IDUA: variants seen among roughly 807,000 people sequenced by gnomAD.
IDUA encodes alpha-L-iduronidase.
A neutral mutation model predicts 68.9 loss-of-function variants in IDUA; 65 were observed. The ratio of observed to expected loss-of-function variants is 0.94; its 90% confidence interval spans 0.77 to 1.16. The LOEUF (loss-of-function observed/expected upper bound fraction) is 1.16. IDUA is among the 50% of genes most tolerant of loss of function. IDUA has a pLI of 0.00. For missense variants in IDUA, 1,046 were observed against 938.0 expected, an observed-to-expected ratio of 1.12 and a Z score of -1.50; for synonymous variants, 529 against 433.6, an observed-to-expected ratio of 1.22 and a Z score of -2.73.
chr4:996,172 C>G (rs200395010), intron 2 of IDUA, among the ~76,000 whole-genome samples: 1 of 152,254 alleles, frequency 6.6e-6, no homozygotes, highest in East Asian at 1.9e-4. Context: ...TGGGAAGCAG[C>G]TGTTTGCTCA....
intron 7 of IDUA, 47 bp downstream of exon 7, chr4:1,002,208 G>A: frequency 6.4e-7 from 1 of 1,571,052 alleles, no homozygotes. Context: ...CCTTCCTCCC[G>A]AGACGGGACA....
rs1230224695 is a variant in IDUA at position 1,002,882 on chromosome 4, G to A, written c.1340G>A (p.Arg447His). The change falls in exon 9 of 14, where the codon CGC (arginine) becomes CAC (histidine). Residue 447 changes from arginine (R) to histidine (H), a missense_variant. By Grantham distance (29) the Arg-to-His change is conservative. Coordinates refer to ENST00000514224, the MANE Select transcript of IDUA (RefSeq NM_000203.5). ...CTGATCTACGCGAGCGACGACACCC[G>A]CGCCCACCCCAACCGCAGCGTCGCG... ...AVLIYASDDT[R>H]AHPNRSVAVT... 7 of 1,434,646 alleles carry A rather than the reference G, an allele frequency of 4.9e-6. No individual in the cohort carries two copies. In the Admixed American group the frequency reaches 8.5e-5, roughly 17 times the overall value. 88.9% of individuals were successfully genotyped at this position (1,434,646 alleles called of 1,614,324 possible).
At chr4:990,602 T>C (rs1336496715) in intron 2 of IDUA, 2 of 571,750 alleles carry the variant, frequency 3.5e-6, no homozygotes, top group African/African-American at 3.8e-5. Context: ...CAGCTGGCCA[T>C]AGACACGTCT....
In IDUA at chr4:1,003,280, C is replaced by T. The variant is rs535338608; in HGVS notation, c.1525-65C>T. 1.1e-5 allele frequency: 15 copies of T among 1,368,916 alleles called. No homozygotes were observed. The African/African-American group carries it at 1.7e-4, about 15-fold the overall frequency. The allele number at this position is 1,368,916 out of a possible 1,614,324, so 84.8% of individuals were successfully genotyped here. A position where few individuals can be genotyped will look rare whatever the true frequency, so the allele number is the denominator to read the frequency against. ...GGAGCGGTGGGCCGGGGGCGTTCGC[C>T]CTGAGGTCGGGCCGAGCGTCCCCAG... On this transcript the variant is annotated intron_variant, in intron 10 of 13. Transcript: ENST00000514224.
intron 1 of IDUA, 168 bp from the exon 2 acceptor site, chr4:987,641 A>T (rs1322967021): frequency 6.9e-7 from 1 of 1,450,868 alleles, no homozygotes; most frequent in African/African-American, 1.4e-5. Context: ...CCCCATGAAG[A>T]TGGGACCTCC....
intron 1 of IDUA, 95 bp from the exon 2 acceptor site, chr4:987,714 C>G (rs968950760): frequency 6.4e-7 from 1 of 1,574,220 alleles, no homozygotes; most frequent in Non-Finnish European, 8.6e-7. Context: ...CGCCTGGATC[C>G]TGCGCCCGGG....
At chr4:1,002,535 AG>A in intron 8 of IDUA, 50 bp downstream of exon 8, 1 of 1,411,388 alleles carries the variant, frequency 7.1e-7, no homozygotes, top group Admixed American at 3.0e-5. Flanking sequence ...CAGGCTGGGG[AG>A]CGGCTCCTGC....
At chr4:997,019 C>T (rs1714778996) in intron 2 of IDUA, among the ~76,000 whole-genome samples, 1 of 152,196 alleles carries the variant, frequency 6.6e-6, no homozygotes, top group Non-Finnish European at 1.5e-5. Context: ...CACACGCTTA[C>T]TTCCTTAGTT....
At chr4:1,003,216 G>A in intron 10 of IDUA, 59 bp downstream of exon 10, 3 of 1,249,362 alleles carry the variant, frequency 2.4e-6, no homozygotes, top group Non-Finnish European at 3.1e-6. Context: ...GGGGGGTGGG[G>A]TCCGGGGCGG....
At chr4:994,280 CTT>C (rs781736230) in intron 2 of IDUA, among the ~76,000 whole-genome samples, 1 of 144,404 alleles carries the variant, frequency 6.9e-6, no homozygotes, top group Non-Finnish European at 1.5e-5. Context: ...CCCACCTTTT[CTT>C]TTTTTTTTTT....
intron 2 of IDUA, chr4:991,633 G>C: frequency 6.4e-7 from 1 of 1,568,182 alleles, no homozygotes; most frequent in East Asian, 2.2e-5. Flanking sequence ...CAGACCCCGG[G>C]GTGCTGGGCG....
In IDUA at chr4:1,004,335, C is replaced by CA; in HGVS notation, c.1904_1905insA (p.Val636CysfsTer23). 6.2e-7 allele frequency: 1 copy of CA among 1,611,850 alleles called. No individual in the cohort carries two copies. The highest frequency in any genetic ancestry group is 1.1e-5 in the South Asian group (1 of 91,076). ...GCCCGACCAGGCCCCTTCTCGGACC[C>CA]TGTGCCGTACCTGGAGGTCCCTGTG... On this transcript the variant is annotated frameshift_variant, in exon 14 of 14. Transcript: ENST00000514224. LOFTEE classifies it low-confidence loss of function (END_TRUNC). This position sits in a 1 kb window ranked among gnomAD's most constrained non-coding sequence, Gnocchi z 5.0.
chr4:990,026 C>A, intron 2 of IDUA: 1 of 1,591,638 alleles, frequency 6.3e-7, no homozygotes, highest in Non-Finnish European at 8.5e-7. Context: ...AAGTGCGACA[C>A]GAGTGTGGCC....
chr4:998,610 C>A lies in IDUA; in HGVS notation c.300-2002C>A, dbSNP rs148643723. 5.1e-4 allele frequency among the ~76,000 whole-genome samples: 78 copies of A among 152,288 alleles called. 1 individual carries two copies. The East Asian group carries it at 0.013, about 25-fold the overall frequency. On this transcript the variant is annotated intron_variant, in intron 2 of 13. Transcript: ENST00000514224. ...TCCATTCACCCCATTCCCTTTCCCTCAGGCCAGAAGCATCACTCACAACTC... is the reference window on the plus strand; with the variant it reads ...TCCATTCACCCCATTCCCTTTCCCTAAGGCCAGAAGCATCACTCACAACTC...
chr4:998,937 G>A (rs2091027537), intron 2 of IDUA, among the ~76,000 whole-genome samples: 1 of 152,108 alleles, frequency 6.6e-6, no homozygotes, highest in Non-Finnish European at 1.5e-5. Flanking sequence ...CCAGTGAGCT[G>A]CCAGAGGGAT....
rs749484091 is a variant in IDUA, at chr4:1,004,142, G to C, written c.1828+30G>C. The C allele has an allele frequency of 1.2e-6, 2 of 1,611,674 alleles. No homozygotes were observed. The highest frequency in any genetic ancestry group is 1.7e-6 in the Non-Finnish European group (2 of 1,178,890). ...GCCCACCACCCGCTGCCCTGGACTC[G>C]GCCACCCCATTCTTGGGCCTCAGGG... On this transcript the variant is annotated intron_variant, in intron 13 of 13. Transcript: ENST00000514224. This position sits in a 1 kb window ranked among gnomAD's most constrained non-coding sequence, Gnocchi z 5.0.
chr4:989,542 A>G, intron 2 of IDUA: 3 of 1,567,216 alleles, frequency 1.9e-6, no homozygotes, highest in South Asian at 1.2e-5. Context: ...AGCCGGGCTC[A>G]TCCGCCACAG....
intron 2 of IDUA, chr4:1,000,211 G>A: frequency 6.3e-6 from 2 of 316,494 alleles, no homozygotes; most frequent in African/African-American, 2.2e-5. Flanking sequence ...TTGCCTCTTG[G>A]GGTGTGGGAG....
intron 2 of IDUA, among the ~76,000 whole-genome samples, chr4:998,347 A>G (rs1714868435): frequency 6.6e-6 from 1 of 151,900 alleles, no homozygotes. Flanking sequence ...TTTGCTGTGG[A>G]GCTGGGGGTG....
Sources: gnomAD v4.1 joint callset for allele counts (sites outside exome capture counted in the v4.1 genomes callset) on GRCh38, gnomAD v4.1.1 for gene constraint, Gnocchi (gnomAD v3.1) non-coding constraint, MANE v1.5 for transcripts, NCBI Gene and HGNC (gene_info 2026-07-23, HGNC 2026-07-21) for gene names.